The following CRACD variants were observed in gnomAD, a reference collection of about 807,000 sequenced individuals.
CRACD encodes capping protein-inhibiting regulator of actin dynamics.
In CRACD, 56 loss-of-function variants were observed where a neutral mutation model predicts 106.8. The ratio of observed to expected loss-of-function variants is 0.52; its 90% CI spans 0.42 to 0.66. CRACD has a LOEUF of 0.66. CRACD is among the 30% of genes least tolerant of loss of function. CRACD has a pLI of 0.00. For synonymous variants in CRACD, 754 were observed against 670.8 expected, an observed-to-expected ratio of 1.12 and a Z score of -1.92; for missense variants, 1,730 against 1,623.2, an observed-to-expected ratio of 1.07 and a Z score of -1.13.
chr4:56,126,787 T>A (rs773818419), intron 1 of CRACD, among the ~76,000 whole-genome samples: 3 of 152,226 alleles, frequency 2.0e-5, no homozygotes, highest in Non-Finnish European at 2.9e-5. Context: ...TGATCCCACT[T>A]GTGTTCTAAC....
intron 2 of CRACD, among the ~76,000 whole-genome samples, chr4:56,195,481 A>G (rs959083962): frequency 4.6e-5 from 7 of 152,196 alleles, no homozygotes; most frequent in African/African-American, 1.7e-4. Context: ...AATTTAGGTG[A>G]TTACTCATAT....
intron 5 of CRACD, among the ~76,000 whole-genome samples, chr4:56,309,739 A>T (rs1745002269): frequency 6.6e-6 from 1 of 152,188 alleles, no homozygotes; most frequent in Non-Finnish European, 1.5e-5. Context: ...CTGTAATCCC[A>T]GCTACTCGGG....
At chr4:56,065,468 C>T (rs1245448238) in intron 1 of CRACD, among the ~76,000 whole-genome samples, 1 of 152,062 alleles carries the variant, frequency 6.6e-6, no homozygotes, top group Non-Finnish European at 1.5e-5. Flanking sequence ...GTTTGTGGGG[C>T]GAGGCTTCTG....
chr4:56,223,235 T>C (rs996907891), intron 2 of CRACD, among the ~76,000 whole-genome samples: 16 of 151,712 alleles, frequency 1.1e-4, no homozygotes, highest in Admixed American at 1.0e-3. Context: ...TTTTTTTTTT[T>C]TCCTAATAAC....
chr4:56,323,192 G>T (rs975950787), intron 8 of CRACD, among the ~76,000 whole-genome samples, 185 bp from the exon 9 acceptor site: 5 of 152,080 alleles, frequency 3.3e-5, no homozygotes, highest in African/African-American at 1.2e-4. Context: ...TTTTTCTGGT[G>T]ATCAAACATG....
chr4:56,097,293 G>A (rs1405428529), intron 1 of CRACD: 1 of 152,446 alleles, frequency 6.6e-6, no homozygotes, highest in Non-Finnish European at 1.5e-5. Context: ...TGGGAGAGTG[G>A]AAGATGAATG....
intron 3 of CRACD, among the ~76,000 whole-genome samples, chr4:56,281,584 C>T (rs1743043026): frequency 2.6e-5 from 4 of 152,058 alleles, no homozygotes; most frequent in Admixed American, 2.0e-4. Flanking sequence ...TGACATTGCG[C>T]TATCTGCAAT....
At chr4:56,313,892 C>T in intron 7 of CRACD, 148 bp from the exon 8 acceptor site, 1 of 1,070,738 alleles carries the variant, frequency 9.3e-7, no homozygotes, top group Admixed American at 2.7e-5. Context: ...GTGACCGATG[C>T]CTGAGTTTAG....
intron 3 of CRACD, among the ~76,000 whole-genome samples, chr4:56,284,785 C>G (rs1173744991): frequency 1.3e-5 from 2 of 152,026 alleles, no homozygotes; most frequent in Non-Finnish European, 2.9e-5. Flanking sequence ...ATGCAAAGCA[C>G]TTTTATTTTC....
At chr4:56,307,837 T>G in intron 5 of CRACD, 138 bp downstream of exon 5, 1 of 776,104 alleles carries the variant, frequency 1.3e-6, no homozygotes, top group Non-Finnish European at 2.1e-6. Flanking sequence ...TGAGGGCACT[T>G]CCTGGTAGGT....
intron 1 of CRACD, among the ~76,000 whole-genome samples, chr4:56,120,051 G>A (rs1477066755): frequency 6.6e-6 from 1 of 152,140 alleles, no homozygotes; most frequent in African/African-American, 2.4e-5. Context: ...AATTAAATAG[G>A]TTGTGTGAAG....
rs1223898906 is a variant in CRACD at position 56,315,147 on chromosome 4, C to A, written c.1645C>A (p.Leu549Ile). 6.2e-7 allele frequency: 1 copy of A among 1,607,548 alleles called. No homozygotes were observed. The highest frequency in any genetic ancestry group is 2.2e-5 in the East Asian group (1 of 44,628). ...GGTGTCCTCCGGAGGGAAGCAGATT[C>A]TCTTTCCCAAAGTCAACCTGAGCCC... ...FQVSSGGKQI[L>I]FPKVNLSPVT... The change falls in exon 8 of 11, where the codon CTC becomes ATC. Residue 549 changes from leucine to isoleucine, a missense_variant. By Grantham distance (5) the Leu-to-Ile change is conservative. Coordinates refer to ENST00000682029, the MANE Select transcript of CRACD (RefSeq NM_001393381.1). The surrounding 1 kb of genome is among the most constrained non-coding windows in gnomAD (Gnocchi z 4.1).
At chr4:56,131,154 C>A (rs1577682311) in intron 1 of CRACD, among the ~76,000 whole-genome samples, 1 of 152,180 alleles carries the variant, frequency 6.6e-6, no homozygotes. Context: ...AATTTAAATT[C>A]TTAGGTTCTT....
intron 1 of CRACD, among the ~76,000 whole-genome samples, chr4:56,144,203 G>C (rs1386972551): frequency 6.6e-6 from 1 of 152,158 alleles, no homozygotes; most frequent in African/African-American, 2.4e-5. Flanking sequence ...GTGGAGAAGG[G>C]GGGAGAGTTG....
chr4:56,314,504 G>A lies in CRACD; in HGVS notation c.1002G>A (p.Arg334=). The A allele has an allele frequency of 6.6e-7, 1 of 1,516,642 alleles. No homozygotes were observed. 93.9% of individuals were successfully genotyped at this position (1,516,642 alleles called of 1,614,324 possible). Residue 334 remains arginine, a synonymous_variant, in exon 8 of 11, where the codon CGG becomes CGA. Coordinates refer to ENST00000682029, the MANE Select transcript of CRACD (RefSeq NM_001393381.1). This position sits in a 1 kb window ranked among gnomAD's most constrained non-coding sequence, Gnocchi z 4.4. ...AGGCCCAAGCGGAGGAGAGGCGGCG[G>A]CTGGAGGAGGACGCCAGGCTGGAGG... ...QAQAQAEERR[R]LEEDARLEER...
intron 1 of CRACD, among the ~76,000 whole-genome samples, chr4:56,105,871 A>G (rs1025663052): frequency 6.9e-4 from 105 of 151,180 alleles, no homozygotes; most frequent in African/African-American, 2.5e-3. Flanking sequence ...GTAAAATGTA[A>G]TTGCTTCTTT....
intron 2 of CRACD, among the ~76,000 whole-genome samples, chr4:56,184,033 C>T (rs1736976896): frequency 6.6e-6 from 1 of 152,028 alleles, no homozygotes; most frequent in African/African-American, 2.4e-5. Flanking sequence ...AAAAAGCTGC[C>T]TCTCATCTAA....
At chr4:56,206,649 G>A (rs999932956) in intron 2 of CRACD, among the ~76,000 whole-genome samples, 4 of 152,140 alleles carry the variant, frequency 2.6e-5, no homozygotes, top group Admixed American at 2.6e-4. Flanking sequence ...TGCATTTAAC[G>A]TGAGTCCATT....
At chr4:56,126,062 CA>C in intron 1 of CRACD, among the ~76,000 whole-genome samples, 1 of 152,230 alleles carries the variant, frequency 6.6e-6, no homozygotes, top group Non-Finnish European at 1.5e-5. Context: ...CTACTGCACC[CA>C]GCCTCTTTAT....
Sources: gnomAD v4.1 joint callset for allele counts (sites outside exome capture counted in the v4.1 genomes callset) on GRCh38, gnomAD v4.1.1 for gene constraint, Gnocchi (gnomAD v3.1) non-coding constraint, MANE v1.5 for transcripts, NCBI Gene and HGNC (gene_info 2026-07-23, HGNC 2026-07-21) for gene names.